The following SYNPO variants were observed in gnomAD, a reference collection of about 807,000 sequenced individuals.
SYNPO encodes synaptopodin.
SYNPO carries 19 observed loss-of-function variants against 49.5 expected under a neutral mutation model. The ratio of observed to expected loss-of-function variants is 0.38; its 90% confidence interval spans 0.27 to 0.56. The LOEUF (loss-of-function observed/expected upper bound fraction) is 0.56. Among genes scored for constraint, SYNPO ranks in the 20% least tolerant of loss-of-function variants. SYNPO has a pLI of 0.68. For synonymous variants in SYNPO, 536 were observed against 548.0 expected (o/e 0.98, Z 0.31); for missense variants, 1,131 against 1,248.3 (o/e 0.91, Z 1.42).
At chr5:150,586,996 G>A in the SYNPO span, among the ~76,000 whole-genome samples, 43,449 of 151,900 alleles carry the variant, frequency 0.29, 7,579 homozygotes, top group Middle Eastern at 0.47. Context: ...GGATATATGG[G>A]TGCATGGATG....
intron 1 of SYNPO, among the ~76,000 whole-genome samples, chr5:150,644,011 C>CA (rs1270922699): frequency 6.6e-6 from 1 of 151,668 alleles, no homozygotes; most frequent in Non-Finnish European, 1.5e-5. Context: ...CCTGTCTCTA[C>CA]AAAAAATACA....
chr5:150,617,755 T>C (rs1757021078), intron 1 of SYNPO: 1 of 152,218 alleles, frequency 6.6e-6, no homozygotes, highest in East Asian at 1.9e-4. Flanking sequence ...GTTAAATAAC[T>C]AGATATTTAT....
chr5:150,587,918 G>A, the SYNPO span, among the ~76,000 whole-genome samples: 1 of 152,142 alleles, frequency 6.6e-6, no homozygotes, highest in African/African-American at 2.4e-5. Flanking sequence ...TCTCCCAGGG[G>A]CAAAATCTAG....
Position 150,615,509 on chromosome 5 carries a change from A to T in SYNPO, c.-265-2594A>T, listed in dbSNP as rs180905522. Among the ~76,000 whole-genome samples the T allele has an allele frequency of 1.2e-3, 189 of 152,280 alleles. 1 individual carries two copies. The highest frequency in any genetic ancestry group is 4.4e-3 in the African/African-American group (181 of 41,564). ...CGGAGGTGGGTATCCAAGTGCTTAG[A>T]ATCAGGGGATCCTGCAATGCCACAG... On this transcript the variant is annotated intron_variant, in intron 1 of 2. Coordinates refer to the SYNPO transcript ENST00000394243.
Position 150,656,712 on chromosome 5 carries a change from C to T in SYNPO, c.2337C>T (p.Asn779=). Residue 779 remains asparagine (N), a synonymous_variant, in exon 3 of 3, where the codon AAC becomes AAT. Coordinates refer to ENST00000307662, the MANE Select transcript of SYNPO (RefSeq NM_007286.6). ...SASPRSAGAE[N]PRPFSPPRAP... is the part of the protein sequence containing the mutation. ...CCCCGCGGTCGGCGGGCGCCGAGAA[C>T]CCGCGGCCCTTCTCCCCGCCGAGGG... The T allele has an allele frequency of 3.5e-6, 5 of 1,417,194 alleles. No homozygotes were observed. The highest frequency in any genetic ancestry group is 4.6e-6 in the Non-Finnish European group (5 of 1,085,502). 87.8% of individuals were successfully genotyped at this position (1,417,194 alleles called of 1,614,324 possible). A position where few individuals can be genotyped will look rare whatever the true frequency, so the allele number is the denominator to read the frequency against.
chr5:150,599,092 G>A (rs934672772), upstream of SYNPO, among the ~76,000 whole-genome samples: 3 of 152,240 alleles, frequency 2.0e-5, no homozygotes, highest in Admixed American at 2.0e-4. Context: ...GCCTGTCAGG[G>A]CCTGTTGCAA....
At chr5:150,634,746 G>C (rs1168943628) in intron 2 of SYNPO, among the ~76,000 whole-genome samples, 1 of 151,688 alleles carries the variant, frequency 6.6e-6, no homozygotes, top group East Asian at 1.9e-4. Flanking sequence ...ACTTGTCCCT[G>C]GAAGGTCACT....
intron 1 of SYNPO, among the ~76,000 whole-genome samples, chr5:150,644,510 C>T (rs1385039653): frequency 6.6e-6 from 1 of 152,180 alleles, no homozygotes; most frequent in Non-Finnish European, 1.5e-5. Flanking sequence ...TGACCAATTG[C>T]CAGCTTATGC....
intron 1 of SYNPO, among the ~76,000 whole-genome samples, chr5:150,643,260 G>A (rs1051117624): frequency 6.6e-6 from 1 of 152,180 alleles, no homozygotes; most frequent in Admixed American, 6.5e-5. Context: ...ATCGTGGGCA[G>A]CTCACTTTAC....
At chr5:150,615,386 G>A (rs1476006671) in intron 1 of SYNPO, 1 of 152,262 alleles carries the variant, frequency 6.6e-6, no homozygotes, top group Non-Finnish European at 1.5e-5. Context: ...CAGGGATAGA[G>A]TGAGGCGAGG....
chr5:150,605,619 G>A (rs1444475386), intron 1 of SYNPO, among the ~76,000 whole-genome samples: 1 of 152,072 alleles, frequency 6.6e-6, no homozygotes, highest in African/African-American at 2.4e-5. Context: ...GGAAAGGAGA[G>A]GAAGAAAGCA....
chr5:150,603,379 C>T lies in SYNPO; in HGVS notation c.-266+2191C>T, dbSNP rs949530283. 5.3e-5 allele frequency among the ~76,000 whole-genome samples: 8 copies of T among 152,350 alleles called. No homozygotes were observed. In the East Asian group the frequency reaches 1.5e-3, roughly 29 times the overall value. ...AGGGTGCAAGGGTTCTGGGGGGGCC[C>T]CTTGGCAAAGCTCCCCAGTCACTTC... is the stretch of plus-strand genomic sequence containing the variant. On this transcript the variant is annotated intron_variant, in intron 1 of 2. Transcript: ENST00000394243.
At chr5:150,618,745 G>C (rs1264546017) in exon 2 of SYNPO, 7 of 1,551,224 alleles carry the variant, frequency 4.5e-6, no homozygotes, top group Non-Finnish European at 5.2e-6. Context: ...CTGGCCCTGG[G>C]CCCAGAGTGG....
intron 2 of SYNPO, among the ~76,000 whole-genome samples, chr5:150,635,128 A>AT (rs1757672318): frequency 5.3e-5 from 8 of 152,346 alleles, no homozygotes; most frequent in Admixed American, 5.2e-4. Flanking sequence ...TACGTCCCAC[A>AT]AGGTGTGTAC....
At chr5:150,620,425 TTTA>T (rs773704164) in intron 2 of SYNPO, among the ~76,000 whole-genome samples, 6 of 152,236 alleles carry the variant, frequency 3.9e-5, no homozygotes, top group Non-Finnish European at 7.3e-5. Flanking sequence ...GGGACATACT[TTTA>T]TTATTTTCAT....
At chr5:150,638,066 A>T (rs1245091881), upstream of SYNPO, among the ~76,000 whole-genome samples, 1 of 136,510 alleles carries the variant, frequency 7.3e-6, no homozygotes, top group African/African-American at 2.8e-5. Flanking sequence ...CTTTCTATTC[A>T]GCTGGTCTTG....
intron 1 of SYNPO, among the ~76,000 whole-genome samples, chr5:150,616,457 C>G (rs1396727078): frequency 1.3e-5 from 2 of 152,178 alleles, no homozygotes; most frequent in Admixed American, 6.5e-5. Context: ...AGGGTTTCCT[C>G]CCAAGTGTAA....
At chr5:150,589,148 G>A in the SYNPO span, among the ~76,000 whole-genome samples, 6 of 150,686 alleles carry the variant, frequency 4.0e-5, no homozygotes, top group East Asian at 3.9e-4. Context: ...TGCAACCTCC[G>A]CCTCCTGGGT....
chr5:150,600,375 TC>T (rs1162144707), upstream of SYNPO, among the ~76,000 whole-genome samples: 1 of 152,192 alleles, frequency 6.6e-6, no homozygotes, highest in Non-Finnish European at 1.5e-5. Flanking sequence ...ACAACAGCCC[TC>T]CCTCTGGGGC....
Sources: gnomAD v4.1 joint callset for allele counts (sites outside exome capture counted in the v4.1 genomes callset) on GRCh38, gnomAD v4.1.1 for gene constraint, MANE v1.5 for transcripts, NCBI Gene and HGNC (gene_info 2026-07-23, HGNC 2026-07-21) for gene names.